DPY19L2: variants seen among roughly 807,000 people sequenced by gnomAD.
The protein encoded by DPY19L2 is dpy-19 like 2, also known as probable C-mannosyltransferase DPY19L2.
DPY19L2 carries 34 observed loss-of-function variants against 97.9 expected under a neutral mutation model. The observed-to-expected ratio is 0.35, with a 90% CI of 0.26 to 0.46. DPY19L2 has a LOEUF of 0.46. Ranked by LOEUF, DPY19L2 falls within the 20% of genes least tolerant of loss-of-function variation. The probability of loss-of-function intolerance (pLI) is 1.00; values close to 1 mark genes in which losing one functional copy is unlikely to be tolerated. For synonymous variants in DPY19L2, 230 were observed against 307.9 expected, an observed-to-expected ratio of 0.75 and a Z score of 2.65; for missense variants, 623 against 911.4, an observed-to-expected ratio of 0.68 and a Z score of 4.07.
At position 63,614,122 on chromosome 12, in the gene DPY19L2, G is replaced by A. The variant is rs572972186; in HGVS notation, c.1218+3182C>T. ...AGAGAATCTCTTGAACCCAGGAGTT[G>A]GAGGTTGCAGTGAGCCAAGACTGCA... is the stretch of plus-strand genomic sequence containing the variant. On this transcript the variant is annotated intron_variant, in intron 11 of 21. Transcript: ENST00000324472. Among the ~76,000 whole-genome samples, 5 of 150,858 alleles carry A rather than the reference G, an allele frequency of 3.3e-5. 1 individual carries two copies. In the South Asian group the frequency reaches 1.0e-3, roughly 31 times the overall value.
At chr12:63,623,908 T>C (rs1333062054) in intron 8 of DPY19L2, 132 bp downstream of exon 8, 1 of 602,304 alleles carries the variant, frequency 1.7e-6, no homozygotes, top group South Asian at 1.8e-5. Flanking sequence ...TTCACCATGT[T>C]GGCCAGGCTG....
At chr12:63,630,512 G>A (rs1017141576) in intron 6 of DPY19L2, among the ~76,000 whole-genome samples, 1 of 152,018 alleles carries the variant, frequency 6.6e-6, no homozygotes, top group Non-Finnish European at 1.5e-5. Context: ...AACAAGAAGA[G>A]CTAACTGTCC....
chr12:63,637,181 G>A (rs1428548246), intron 6 of DPY19L2, among the ~76,000 whole-genome samples: 2 of 152,128 alleles, frequency 1.3e-5, no homozygotes, highest in Non-Finnish European at 2.9e-5. Flanking sequence ...GCTCCTGAAT[G>A]ACTACTGGGT....
intron 4 of DPY19L2, among the ~76,000 whole-genome samples, chr12:63,658,878 T>G (rs1270153430): frequency 6.6e-6 from 1 of 152,156 alleles, no homozygotes. Context: ...TATTAGTGGT[T>G]TCCTAGGGAT....
At chr12:63,646,132 C>T (rs1293587059) in intron 5 of DPY19L2, among the ~76,000 whole-genome samples, 2 of 152,018 alleles carry the variant, frequency 1.3e-5, no homozygotes, top group Non-Finnish European at 2.9e-5. Context: ...TTTGTAATAT[C>T]CATCACAGTT....
Position 63,570,764 on chromosome 12 carries a change from T to A in DPY19L2, c.1994A>T (p.Asp665Val), listed in dbSNP as rs753105991. Residue 665 changes from aspartate (D) to valine (V), a missense_variant, in exon 20 of 22, where the codon GAC (aspartate) becomes GTC (valine). By Grantham distance (152) the Asp-to-Val change is radical. This residue lies in a region of DPY19L2 where 294 missense variants were observed against 446.2 expected (regional missense o/e 0.66). Coordinates refer to ENST00000324472, the MANE Select transcript of DPY19L2 (RefSeq NM_173812.5). ...ATACTCATCAGCTGCCAACCTCAAG[T>A]CTGCATCTTCGTAATGTGGATGATT... ...IVNHPHYEDA[D>V]LRARTKIVYS... is the part of the protein sequence containing the mutation. 38 of 1,610,890 alleles carry A rather than the reference T, an allele frequency of 2.4e-5. No individual in the cohort carries two copies. Among genetic ancestry groups the A allele is most frequent in the Non-Finnish European group, 3.0e-5 (35 of 1,178,562 alleles).
intron 6 of DPY19L2, among the ~76,000 whole-genome samples, chr12:63,640,368 C>A (rs557259768): frequency 6.6e-6 from 1 of 151,896 alleles, no homozygotes; most frequent in Non-Finnish European, 1.5e-5. Flanking sequence ...AAAAAAGATA[C>A]GAGAGGATAT....
chr12:63,666,054 C>G (rs1413733002), intron 1 of DPY19L2, among the ~76,000 whole-genome samples, 195 bp from the exon 2 acceptor site: 7 of 152,140 alleles, frequency 4.6e-5, no homozygotes, highest in Admixed American at 3.9e-4. Flanking sequence ...GCTTACCTCT[C>G]TGCAGCAGGG....
intron 6 of DPY19L2, among the ~76,000 whole-genome samples, chr12:63,631,968 T>C (rs140330142): frequency 0.014 from 2,086 of 152,130 alleles, 25 homozygotes; most frequent in South Asian, 0.033. Flanking sequence ...AAAAACCATA[T>C]GATTATCTCA....
At chr12:63,634,488 C>T (rs192206428) in intron 6 of DPY19L2, among the ~76,000 whole-genome samples, 1 of 152,276 alleles carries the variant, frequency 6.6e-6, no homozygotes, top group African/African-American at 2.4e-5. Context: ...TGGGGCATCA[C>T]CTCACCCGGG....
At chr12:63,666,170 TTA>T (rs1280717656) in intron 1 of DPY19L2, among the ~76,000 whole-genome samples, 31 of 152,284 alleles carry the variant, frequency 2.0e-4, no homozygotes, top group African/African-American at 7.0e-4. Flanking sequence ...TTTTTCAGTA[TTA>T]TTTTCTATTC....
chr12:63,619,014 T>C (rs1888271443), intron 9 of DPY19L2, among the ~76,000 whole-genome samples: 2 of 152,106 alleles, frequency 1.3e-5, no homozygotes, highest in African/African-American at 2.4e-5. Context: ...TCTAAATATA[T>C]AAAAATTATT....
intron 8 of DPY19L2, chr12:63,623,720 T>A (rs966964066): frequency 8.9e-6 from 2 of 225,208 alleles, no homozygotes; most frequent in African/African-American, 4.5e-5. Context: ...ATTTACATTT[T>A]TTTAGAGGGA....
At position 63,624,049 on chromosome 12, in the gene DPY19L2, A is replaced by C; in HGVS notation, c.944T>G (p.Leu315Trp). The change falls in exon 8 of 22, where the codon TTG (leucine) becomes TGG (tryptophan). Residue 315 changes from leucine to tryptophan, a missense_variant. Physicochemically the swap from Leu to Trp is moderately conservative, Grantham distance 61. Around this residue, in one of 6 missense-constraint regions of DPY19L2, gnomAD observed 67 missense variants for 88.0 expected, o/e 0.76. Coordinates refer to ENST00000324472, the MANE Select transcript of DPY19L2 (RefSeq NM_173812.5). ...TATAAATCGAAGTTACCTGAGAATC[A>C]AAGTTAAAATACACATCTGAAGTAC... ...FLVLQMCILT[L>W]ILRTSSNDRR... The C allele has an allele frequency of 6.2e-7, 1 of 1,608,910 alleles. No homozygotes were observed. The highest frequency in any genetic ancestry group is 8.5e-7 in the Non-Finnish European group (1 of 1,177,218).
intron 17 of DPY19L2, 70 bp downstream of exon 17, chr12:63,583,742 A>G (rs1881331495): frequency 6.6e-7 from 1 of 1,519,002 alleles, no homozygotes. Context: ...GCAAGGTTAT[A>G]CCTTTGTCAA....
At chr12:63,612,085 T>C (rs1887102601) in intron 11 of DPY19L2, among the ~76,000 whole-genome samples, 1 of 151,976 alleles carries the variant, frequency 6.6e-6, no homozygotes, top group African/African-American at 2.4e-5. Flanking sequence ...TGTCAACAGA[T>C]TTCATAAGAA....
At chr12:63,578,650 A>G (rs1437079464) in intron 19 of DPY19L2, among the ~76,000 whole-genome samples, 3 of 152,272 alleles carry the variant, frequency 2.0e-5, no homozygotes, top group African/African-American at 7.2e-5. Context: ...AGTATAACTA[A>G]GCATTCTAAG....
rs1406046573 is a variant in DPY19L2, at chr12:63,559,177, T to G, written c.*1335A>C. The G allele has an allele frequency of 6.6e-6, 1 of 152,212 alleles. No homozygotes were observed. The highest frequency in any genetic ancestry group is 2.4e-5 in the African/African-American group (1 of 41,466). 9.4% of individuals were successfully genotyped at this position (152,212 alleles called of 1,614,324 possible). ...GAAAATGCTAAAATAAAATGTGGCA[T>G]GTTTTCTTAGCTGTTTTGTATTCTG... On this transcript the variant is annotated 3_prime_UTR_variant, in exon 22 of 22. Transcript: ENST00000324472.
At chr12:63,648,542 C>A (rs866594931) in intron 4 of DPY19L2, among the ~76,000 whole-genome samples, 1 of 151,940 alleles carries the variant, frequency 6.6e-6, no homozygotes. Context: ...AGTCTCCTGC[C>A]TCAGCCTCCC....
Sources: gnomAD v4.1 joint callset for allele counts (sites outside exome capture counted in the v4.1 genomes callset) on GRCh38, gnomAD v4.1.1 for gene constraint, gnomAD v4.1.1 regional missense constraint, MANE v1.5 for transcripts, NCBI Gene and HGNC (gene_info 2026-07-23, HGNC 2026-07-21) for gene names.